The following PRTG variants were observed in gnomAD, a reference collection of about 807,000 sequenced individuals.
PRTG encodes the protein protogenin, also known as immunoglobulin superfamily, DCC subclass, member 5.
Under a neutral mutation model 122.5 loss-of-function variants are expected in PRTG, and 67 were observed. The observed-to-expected ratio is 0.55, with a 90% confidence interval of 0.45 to 0.67. PRTG has a LOEUF of 0.67. Among genes scored for constraint, PRTG ranks in the 30% least tolerant of loss-of-function variants. PRTG has a pLI of 0.00. For synonymous variants in PRTG, 554 were observed against 501.1 expected, an observed-to-expected ratio of 1.11 and a Z score of -1.41; for missense variants, 1,435 against 1,415.4, an observed-to-expected ratio of 1.01 and a Z score of -0.22.
chr15:55,702,031 ATG>A (rs1405521568), intron 2 of PRTG, among the ~76,000 whole-genome samples: 11 of 152,172 alleles, frequency 7.2e-5, no homozygotes, highest in African/African-American at 2.7e-4. Context: ...AACTCTACAC[ATG>A]TGTTAAAATT....
At chr15:55,664,244 C>T (rs1567089164) in intron 11 of PRTG, among the ~76,000 whole-genome samples, 1 of 152,032 alleles carries the variant, frequency 6.6e-6, no homozygotes, top group South Asian at 2.1e-4. Flanking sequence ...CAGGTTCAAG[C>T]GATTCTCCTG....
chr15:55,673,572 GCAC>G lies in PRTG; in HGVS notation c.1648_1650del (p.Val550del). ...CTTAGGCGGAAAGACAAGCGATACAGCACCACTTGGCCCCGCCGATATTTGGCT... is the reference window on the plus strand; with the variant it reads ...CTTAGGCGGAAAGACAAGCGATACAGCACTTGGCCCCGCCGATATTTGGCT... On this transcript the variant is annotated inframe_deletion, in exon 10 of 20. Transcript: ENST00000389286. The G allele has an allele frequency of 6.2e-7, 1 of 1,614,184 alleles. No individual in the cohort carries two copies. The highest frequency in any genetic ancestry group is 8.5e-7 in the Non-Finnish European group (1 of 1,180,018).
intron 2 of PRTG, among the ~76,000 whole-genome samples, chr15:55,689,949 T>C (rs1404060345): frequency 6.6e-6 from 1 of 151,512 alleles, no homozygotes; most frequent in Non-Finnish European, 1.5e-5. Context: ...AAAGAGTAGT[T>C]AGGCATCAAT....
chr15:55,698,005 T>G (rs189506183), intron 2 of PRTG, among the ~76,000 whole-genome samples: 1 of 152,170 alleles, frequency 6.6e-6, no homozygotes, highest in Admixed American at 6.6e-5. Context: ...CCTATTCACC[T>G]AGCTTCTCTT....
Position 55,675,570 on chromosome 15 carries a change from T to C in PRTG, c.1495A>G (p.Met499Val), listed in dbSNP as rs1197434256. ...YTFYIVAYMPMGASQMSDHVT... is the reference protein window; with the variant it reads ...YTFYIVAYMPVGASQMSDHVT... ...TGGTCAGACATCTGGCTGGCTCCCA[T>C]TGGCATATATGCTACAATGTAGAAA... is the stretch of plus-strand genomic sequence containing the variant. Residue 499 changes from methionine (M) to valine (V), a missense_variant, in exon 9 of 20, where the codon ATG becomes GTG. Physicochemically the swap from Met to Val is conservative, Grantham distance 21. Coordinates refer to ENST00000389286, the MANE Select transcript of PRTG (RefSeq NM_173814.6). 3 of 1,612,310 alleles carry C rather than the reference T, an allele frequency of 1.9e-6. No homozygotes were observed. The highest frequency in any genetic ancestry group is 2.2e-5 in the South Asian group (2 of 90,934).
chr15:55,698,372 C>T (rs560373126), intron 2 of PRTG, among the ~76,000 whole-genome samples: 52 of 152,266 alleles, frequency 3.4e-4, no homozygotes, highest in African/African-American at 1.2e-3. Flanking sequence ...CTCACTGTAG[C>T]CTCAACTTCC....
chr15:55,664,014 G>A (rs1257146073), intron 11 of PRTG, among the ~76,000 whole-genome samples: 2 of 152,182 alleles, frequency 1.3e-5, no homozygotes, highest in African/African-American at 4.8e-5. Flanking sequence ...TTGTACAGAT[G>A]TACTGCAGTT....
chr15:55,698,248 T>C (rs540190524), intron 2 of PRTG, among the ~76,000 whole-genome samples: 3 of 152,320 alleles, frequency 2.0e-5, no homozygotes, highest in Middle Eastern at 3.4e-3. Context: ...CAAGCTAATA[T>C]CCAATCAGGG....
At position 55,612,737 on chromosome 15, in the gene PRTG, T is replaced by TATATAC. The variant is rs1489256387; in HGVS notation, c.*7274_*7275insGTATAT. Reference sequence around the variant, plus strand: ...ATATATATATATATATATATATATATATATATATATATGACTTAAATTGGA... The same window carrying TATATAC: ...ATATATATATATATATATATATATATATATACATATATATATATGACTTAAATTGGA... On this transcript the variant is annotated 3_prime_UTR_variant, in exon 20 of 20. Coordinates refer to ENST00000389286, the MANE Select transcript of PRTG (RefSeq NM_173814.6). 1.8e-4 allele frequency: 10 copies of TATATAC among 54,326 alleles called. No individual in the cohort carries two copies. Among genetic ancestry groups the TATATAC allele is most frequent in the African/African-American group, 4.6e-4 (10 of 21,680 alleles). 3.4% of individuals were successfully genotyped at this position (54,326 alleles called of 1,614,324 possible).
At chr15:55,639,594 G>T (rs763763743) in intron 13 of PRTG, 48 bp downstream of exon 13, 5 of 1,518,854 alleles carry the variant, frequency 3.3e-6, no homozygotes, top group Non-Finnish European at 4.5e-6. Flanking sequence ...TGGAGTGGGG[G>T]TGTGGTGAGG....
intron 17 of PRTG, among the ~76,000 whole-genome samples, chr15:55,625,812 A>G (rs1002834219): frequency 5.3e-5 from 8 of 151,980 alleles, no homozygotes; most frequent in Non-Finnish European, 1.2e-4. Flanking sequence ...TAGTAGAGAC[A>G]GGATTTCTCC....
intron 11 of PRTG, among the ~76,000 whole-genome samples, chr15:55,663,698 C>T (rs1470604171): frequency 6.6e-6 from 1 of 152,026 alleles, no homozygotes; most frequent in Non-Finnish European, 1.5e-5. Flanking sequence ...CCAGCCACCA[C>T]GTCTGGCTAA....
At chr15:55,696,252 T>A (rs1294464161) in intron 2 of PRTG, among the ~76,000 whole-genome samples, 3 of 152,044 alleles carry the variant, frequency 2.0e-5, no homozygotes, top group African/African-American at 7.2e-5. Flanking sequence ...TGAGAAGAGA[T>A]CCTGTTTCTT....
In PRTG at chr15:55,618,854, A is replaced by G. The variant is rs983494726; in HGVS notation, c.*1158T>C. ...AATTTCATGAATATTAAAAAGGTAT[A>G]AGGCAAAGAATTTCATTATACTGAA... On this transcript the variant is annotated 3_prime_UTR_variant, in exon 20 of 20. Coordinates refer to ENST00000389286, the MANE Select transcript of PRTG (RefSeq NM_173814.6). 2.0e-5 allele frequency: 3 copies of G among 152,210 alleles called. No individual in the cohort carries two copies. The highest frequency in any genetic ancestry group is 2.9e-5 in the Non-Finnish European group (2 of 68,046). 9.4% of individuals were successfully genotyped at this position (152,210 alleles called of 1,614,324 possible).
At chr15:55,645,570 T>G (rs1323393902) in intron 11 of PRTG, among the ~76,000 whole-genome samples, 1 of 150,642 alleles carries the variant, frequency 6.6e-6, no homozygotes, top group Non-Finnish European at 1.5e-5. Context: ...ACTAAGGATA[T>G]AGGGTAAAAA....
In PRTG at chr15:55,683,767, A is replaced by G. The variant is rs1207176438; in HGVS notation, c.542+20T>C. ...TTCATTACTCCCATATCATCTCCAA[A>G]GACAAAAATCTACATCTACCTGTCC... is the stretch of plus-strand genomic sequence containing the variant. On this transcript the variant is annotated intron_variant, in intron 3 of 19. Transcript: ENST00000389286. 1.2e-6 allele frequency: 2 copies of G among 1,601,368 alleles called. No homozygotes were observed. Among genetic ancestry groups the G allele is most frequent in the Admixed American group, 1.7e-5 (1 of 58,456 alleles).
chr15:55,660,540 T>C (rs1172565664), intron 11 of PRTG, among the ~76,000 whole-genome samples: 1 of 152,172 alleles, frequency 6.6e-6, no homozygotes, highest in African/African-American at 2.4e-5. Flanking sequence ...AGATGCTCTT[T>C]GCAATTCCCG....
chr15:55,714,763 C>T (rs2141859446), intron 2 of PRTG, among the ~76,000 whole-genome samples: 1 of 152,232 alleles, frequency 6.6e-6, no homozygotes, highest in East Asian at 1.9e-4. Context: ...CCTAAAAATG[C>T]TATTTTTGCA....
At chr15:55,718,903 C>T (rs1259374970) in intron 2 of PRTG, among the ~76,000 whole-genome samples, 1 of 148,842 alleles carries the variant, frequency 6.7e-6, no homozygotes, top group Non-Finnish European at 1.5e-5. Flanking sequence ...CCGTCATGCT[C>T]GGCTAATTTT....
Sources: gnomAD v4.1 joint callset for allele counts (sites outside exome capture counted in the v4.1 genomes callset) on GRCh38, gnomAD v4.1.1 for gene constraint, MANE v1.5 for transcripts, NCBI Gene and HGNC (gene_info 2026-07-23, HGNC 2026-07-21) for gene names.